Variants in RFX3 observed in about 807,000 individuals in gnomAD.
The protein encoded by RFX3 is regulatory factor X3, also known as transcription factor RFX3.
In RFX3, 14 loss-of-function variants were observed where a neutral mutation model predicts 98.6. The observed-to-expected ratio is 0.14, with a 90% confidence interval of 0.09 to 0.22. The LOEUF is 0.22. RFX3 is among the 10% of genes least tolerant of loss of function. RFX3 has a pLI of 1.00. For missense variants in RFX3, 639 were observed against 926.9 expected (o/e 0.69, Z 4.03); for synonymous variants, 383 against 328.4 (o/e 1.17, Z -1.80).
chr9:3,446,826 G>A (rs944259556), intron 1 of RFX3, among the ~76,000 whole-genome samples: 2 of 151,708 alleles, frequency 1.3e-5, no homozygotes, highest in African/African-American at 4.8e-5. Flanking sequence ...GAAATAATTT[G>A]GGTTCTTGCT....
At position 3,220,398 on chromosome 9, in the gene RFX3, G is replaced by A. The variant is rs1817277515; in HGVS notation, c.*4644C>T. 1 of 151,874 alleles carries A rather than the reference G, an allele frequency of 6.6e-6. No homozygotes were observed. Among genetic ancestry groups the A allele is most frequent in the Non-Finnish European group, 1.5e-5 (1 of 67,998 alleles). 9.4% of individuals were successfully genotyped at this position (151,874 alleles called of 1,614,324 possible). Reference sequence around the variant, plus strand: ...TTTATACCTTTTAAAGGCAATCTAGGTACCTTCAATGTGCAGAAATCAGTT... The same window carrying A: ...TTTATACCTTTTAAAGGCAATCTAGATACCTTCAATGTGCAGAAATCAGTT... On this transcript the variant is annotated 3_prime_UTR_variant, in exon 17 of 17. Transcript: ENST00000617270.
At chr9:3,516,738 C>T (rs1564197811) in intron 1 of RFX3, among the ~76,000 whole-genome samples, 1 of 152,230 alleles carries the variant, frequency 6.6e-6, no homozygotes, top group African/African-American at 2.4e-5. Context: ...CTCTCTCTCT[C>T]TCTCTCTCTG....
chr9:3,476,876 G>A (rs936202239), intron 1 of RFX3, among the ~76,000 whole-genome samples: 3 of 152,046 alleles, frequency 2.0e-5, no homozygotes, highest in Non-Finnish European at 4.4e-5. Flanking sequence ...ACAGACCACA[G>A]CTCAAATCCT....
At chr9:3,321,381 A>G (rs941296658) in intron 4 of RFX3, among the ~76,000 whole-genome samples, 8 of 152,308 alleles carry the variant, frequency 5.3e-5, no homozygotes, top group Admixed American at 3.3e-4. Flanking sequence ...TTCTGTGCCA[A>G]TTTAGATTCC....
At chr9:3,278,901 A>T (rs1825577868) in intron 7 of RFX3, among the ~76,000 whole-genome samples, 1 of 151,874 alleles carries the variant, frequency 6.6e-6, no homozygotes, top group Non-Finnish European at 1.5e-5. Context: ...ACTCCTCATT[A>T]CAAAAAAATT....
At chr9:3,410,717 A>G (rs1431181890) in intron 1 of RFX3, among the ~76,000 whole-genome samples, 3 of 152,212 alleles carry the variant, frequency 2.0e-5, no homozygotes, top group African/African-American at 7.2e-5. Flanking sequence ...TTTCCACAAC[A>G]TGTACTATTT....
At chr9:3,382,177 A>C (rs1194455439) in intron 2 of RFX3, among the ~76,000 whole-genome samples, 4 of 152,198 alleles carry the variant, frequency 2.6e-5, no homozygotes, top group Non-Finnish European at 2.9e-5. Context: ...GACTACAGGC[A>C]CATGCCACCA....
intron 1 of RFX3, among the ~76,000 whole-genome samples, chr9:3,451,038 T>C (rs1021443892): frequency 6.6e-6 from 1 of 152,094 alleles, no homozygotes; most frequent in Non-Finnish European, 1.5e-5. Context: ...GCAGGAAATA[T>C]AAAAGGCGAA....
chr9:3,325,898 G>A lies in RFX3; in HGVS notation c.474+4361C>T, dbSNP rs187465203. Among the ~76,000 whole-genome samples the A allele has an allele frequency of 1.4e-3, 206 of 152,190 alleles. 2 individuals carry two copies. The highest frequency in any genetic ancestry group is 4.7e-3 in the African/African-American group (195 of 41,538). ...GAATAAAAGCAGAGGGAAATATTATGTTGATATAGTTAGAAGACAGATGTA... is the reference window on the plus strand; with the variant it reads ...GAATAAAAGCAGAGGGAAATATTATATTGATATAGTTAGAAGACAGATGTA... On this transcript the variant is annotated intron_variant, in intron 4 of 16. Coordinates refer to ENST00000617270, the MANE Select transcript of RFX3 (RefSeq NM_001282116.2).
Position 3,218,643 on chromosome 9 carries a change from C to CA in RFX3, c.*6398dup, listed in dbSNP as rs949834230. On this transcript the variant is annotated 3_prime_UTR_variant, in exon 17 of 17. Transcript: ENST00000617270. ...TATTTACAAAATCAAATACATTATA[C>CA]AAAAAACCATCACATGTTATTCGGT... The CA allele has an allele frequency of 2.0e-5, 3 of 151,922 alleles. No homozygotes were observed. Among genetic ancestry groups the CA allele is most frequent in the Non-Finnish European group, 4.4e-5 (3 of 67,946 alleles). 9.4% of individuals were successfully genotyped at this position (151,922 alleles called of 1,614,324 possible).
intron 1 of RFX3, among the ~76,000 whole-genome samples, chr9:3,419,789 T>C (rs1442121555): frequency 1.3e-5 from 2 of 152,222 alleles, no homozygotes; most frequent in African/African-American, 4.8e-5. Context: ...TATTTGTACA[T>C]ATGCATGGGG....
At chr9:3,227,279 G>T (rs1180323976) in intron 16 of RFX3, among the ~76,000 whole-genome samples, 2 of 152,192 alleles carry the variant, frequency 1.3e-5, no homozygotes, top group Non-Finnish European at 2.9e-5. Context: ...GATGGAAAGG[G>T]TAGTGAGAAA....
At chr9:3,524,826 A>AGC (rs1491512561) in intron 1 of RFX3, among the ~76,000 whole-genome samples, 7 of 68,122 alleles carry the variant, frequency 1.0e-4, no homozygotes, top group Admixed American at 1.8e-4. Context: ...TTAAATCACA[A>AGC]GCACACACAC....
intron 1 of RFX3, among the ~76,000 whole-genome samples, chr9:3,519,758 T>C (rs1344310521): frequency 6.6e-6 from 1 of 152,188 alleles, no homozygotes; most frequent in Admixed American, 6.5e-5. Flanking sequence ...TATTTATACC[T>C]ATTTATTGAT....
intron 1 of RFX3, among the ~76,000 whole-genome samples, chr9:3,495,429 T>A (rs976001827): frequency 1.3e-5 from 2 of 152,070 alleles, no homozygotes; most frequent in African/African-American, 2.4e-5. Context: ...ATGGCAGCTA[T>A]CAATAGAATA....
chr9:3,395,430 A>C (rs1452449346), intron 2 of RFX3, 42 bp downstream of exon 2: 1 of 1,602,384 alleles, frequency 6.2e-7, no homozygotes, highest in Non-Finnish European at 8.5e-7. Flanking sequence ...AGCCAACATA[A>C]TGAAAGTAAC....
At chr9:3,268,619 G>A (rs1385751048) in intron 11 of RFX3, among the ~76,000 whole-genome samples, 2 of 151,836 alleles carry the variant, frequency 1.3e-5, no homozygotes, top group African/African-American at 4.8e-5. Context: ...AACTATTCGG[G>A]TGTCTGCTTA....
At chr9:3,408,223 T>G (rs1428212259) in intron 1 of RFX3, among the ~76,000 whole-genome samples, 1 of 152,110 alleles carries the variant, frequency 6.6e-6, no homozygotes, top group Non-Finnish European at 1.5e-5. Flanking sequence ...CTCTCCTTCC[T>G]AATGGCACTG....
chr9:3,427,611 C>T (rs1844239188), intron 1 of RFX3, among the ~76,000 whole-genome samples: 2 of 151,174 alleles, frequency 1.3e-5, no homozygotes, highest in South Asian at 4.2e-4. Flanking sequence ...GTCTAAACAC[C>T]CTGAATTTGT....
Sources: allele counts gnomAD v4.1 joint callset (sites outside exome capture counted in the v4.1 genomes callset), GRCh38; gene constraint gnomAD v4.1.1; transcripts MANE v1.5; gene names NCBI Gene and HGNC (gene_info 2026-07-23, HGNC 2026-07-21).